ESR1: variants seen among roughly 807,000 people sequenced by gnomAD.
The protein encoded by ESR1 is estrogen receptor 1, also known as estrogen receptor.
ESR1 carries 12 observed loss-of-function variants against 52.7 expected under a neutral mutation model. The ratio of observed to expected loss-of-function variants is 0.23; its 90% CI spans 0.15 to 0.37. The LOEUF is 0.37. Among genes scored for constraint, ESR1 ranks in the 10% least tolerant of loss-of-function variants. The pLI is 1.00. For synonymous variants in ESR1, 305 were observed against 316.8 expected, an observed-to-expected ratio of 0.96 and a Z score of 0.39; for missense variants, 584 against 779.7, an observed-to-expected ratio of 0.75 and a Z score of 2.99.
chr6:151,717,777 T>C (rs932848338), intron 2 of ESR1, among the ~76,000 whole-genome samples: 4 of 152,200 alleles, frequency 2.6e-5, no homozygotes, highest in African/African-American at 4.8e-5. Flanking sequence ...ATTTAAGAAT[T>C]AGATAATTGA....
intron 2 of ESR1, among the ~76,000 whole-genome samples, chr6:151,778,788 G>A (rs1786258847): frequency 6.6e-6 from 1 of 152,010 alleles, no homozygotes; most frequent in Non-Finnish European, 1.5e-5. Context: ...GTGAGATTAT[G>A]GTTTGTGGAA....
intron 6 of ESR1, among the ~76,000 whole-genome samples, chr6:152,075,372 C>T (rs749193477): frequency 6.6e-6 from 1 of 152,168 alleles, no homozygotes. Flanking sequence ...AATTCTGTGG[C>T]TCTATTTTTC....
intron 1 of ESR1, among the ~76,000 whole-genome samples, chr6:151,679,024 T>C (rs868839438): frequency 6.6e-6 from 1 of 152,202 alleles, no homozygotes; most frequent in Admixed American, 6.5e-5. Context: ...CCTCCTCTTC[T>C]GGCCTGGTCC....
intron 2 of ESR1, among the ~76,000 whole-genome samples, chr6:151,853,382 C>A (rs1304484715): frequency 6.6e-6 from 1 of 152,020 alleles, no homozygotes; most frequent in Non-Finnish European, 1.5e-5. Context: ...GTGTTAAGTG[C>A]TTGTTAGTGG....
At chr6:151,735,559 G>T (rs559187176) in intron 2 of ESR1, among the ~76,000 whole-genome samples, 139 of 150,940 alleles carry the variant, frequency 9.2e-4, no homozygotes, top group Non-Finnish European at 1.4e-3. Context: ...TTGGTTGTTT[G>T]TTTTTGTTTT....
At chr6:152,076,525 A>T (rs1562758228) in intron 6 of ESR1, among the ~76,000 whole-genome samples, 1 of 152,210 alleles carries the variant, frequency 6.6e-6, no homozygotes, top group Non-Finnish European at 1.5e-5. Flanking sequence ...TTGGAACTGG[A>T]TATCAGGGAG....
chr6:151,942,653 T>C (rs1188281035), intron 3 of ESR1, among the ~76,000 whole-genome samples: 1 of 151,202 alleles, frequency 6.6e-6, no homozygotes, highest in East Asian at 1.9e-4. Flanking sequence ...ATAAAACATA[T>C]ATATATTTCA....
At chr6:151,997,495 C>T (rs761479585) in intron 4 of ESR1, among the ~76,000 whole-genome samples, 4 of 152,038 alleles carry the variant, frequency 2.6e-5, no homozygotes, top group Non-Finnish European at 5.9e-5. Context: ...CAAAGTATCT[C>T]ATAGGATAAT....
At chr6:151,939,801 G>A (rs957179187) in intron 3 of ESR1, among the ~76,000 whole-genome samples, 3 of 151,806 alleles carry the variant, frequency 2.0e-5, no homozygotes, top group Non-Finnish European at 4.4e-5. Context: ...TGTTTGTTAA[G>A]TTTGTACCTA....
At chr6:151,668,196 G>A (rs1367925984) in intron 1 of ESR1, among the ~76,000 whole-genome samples, 1 of 152,210 alleles carries the variant, frequency 6.6e-6, no homozygotes, top group African/African-American at 2.4e-5. Flanking sequence ...TTCAGTTTCT[G>A]CTTCATGCAT....
intron 4 of ESR1, among the ~76,000 whole-genome samples, chr6:151,960,568 T>C (rs1661494850): frequency 6.6e-6 from 1 of 152,106 alleles, no homozygotes; most frequent in Non-Finnish European, 1.5e-5. Context: ...AGAAGACCAA[T>C]GTGACTAGAG....
At chr6:151,686,689 A>AAACCAACCAACC (rs35551206), upstream of ESR1, among the ~76,000 whole-genome samples, 109 of 126,674 alleles carry the variant, frequency 8.6e-4, no homozygotes, top group African/African-American at 1.4e-3. Flanking sequence ...CTCCATCTCA[A>AAACCAACCAACC]AACCAACCAA....
At chr6:152,089,474 C>T (rs773503957) in intron 6 of ESR1, among the ~76,000 whole-genome samples, 9 of 152,204 alleles carry the variant, frequency 5.9e-5, no homozygotes, top group Non-Finnish European at 8.8e-5. Flanking sequence ...AGTGAATAAG[C>T]TATTTAATAA....
rs1309043397 is a variant in ESR1 at position 151,899,393 on chromosome 6, A to G, written c.760+18622A>G. On this transcript the variant is annotated intron_variant, in intron 3 of 7. Transcript: ENST00000206249. ...TCCCGGACGGGGCGGCTGGCCGGGC[A>G]GAGGGGCTCCTCACTTCCCAGTAGG... Among the ~76,000 whole-genome samples the G allele has an allele frequency of 2.8e-4, 32 of 114,264 alleles. 1 individual carries two copies. The highest frequency in any genetic ancestry group is 1.1e-3 in the African/African-American group (30 of 27,674). The allele number at this position is 114,264 out of a possible 152,430, so 75.0% of individuals were successfully genotyped here.
chr6:151,669,151 A>AG (rs1777942428), intron 1 of ESR1, among the ~76,000 whole-genome samples: 1 of 111,176 alleles, frequency 9.0e-6, no homozygotes, highest in African/African-American at 3.4e-5. Flanking sequence ...GAGCTGGGAG[A>AG]GAGAGAGAGA....
At chr6:152,031,777 C>T (rs1265357393) in intron 5 of ESR1, among the ~76,000 whole-genome samples, 1 of 152,162 alleles carries the variant, frequency 6.6e-6, no homozygotes, top group Non-Finnish European at 1.5e-5. Context: ...GGAATCCTCC[C>T]TAACTCATTT....
intron 1 of ESR1, among the ~76,000 whole-genome samples, chr6:151,678,570 T>C (rs1469204746): frequency 2.6e-5 from 4 of 152,040 alleles, no homozygotes; most frequent in African/African-American, 4.8e-5. Context: ...TCTCCGTAGC[T>C]GCAAAGCCAA....
chr6:152,080,544 A>G (rs2049108943), intron 6 of ESR1, among the ~76,000 whole-genome samples: 1 of 152,214 alleles, frequency 6.6e-6, no homozygotes, highest in Non-Finnish European at 1.5e-5. Flanking sequence ...AGCCACTGCA[A>G]AAACATTCCA....
upstream of ESR1, among the ~76,000 whole-genome samples, chr6:151,689,488 C>T (rs1462577573): frequency 6.6e-6 from 1 of 152,162 alleles, no homozygotes; most frequent in Non-Finnish European, 1.5e-5. Flanking sequence ...GACAAATTTA[C>T]ATATTTAAAT....
Sources: gnomAD v4.1 joint callset for allele counts (sites outside exome capture counted in the v4.1 genomes callset) on GRCh38, gnomAD v4.1.1 for gene constraint, MANE v1.5 for transcripts, NCBI Gene and HGNC (gene_info 2026-07-23, HGNC 2026-07-21) for gene names.